The following TNPO3 variants were observed in gnomAD, a reference collection of about 807,000 sequenced individuals.
TNPO3 encodes transportin 3.
In TNPO3, 65 loss-of-function variants were observed where a neutral mutation model predicts 122.8. That is an observed-to-expected ratio of 0.53 (90% CI 0.43 to 0.65). The LOEUF (loss-of-function observed/expected upper bound fraction) is 0.65. Among genes scored for constraint, TNPO3 ranks in the 30% least tolerant of loss-of-function variants. The pLI, the probability that TNPO3 is intolerant of heterozygous loss-of-function variation, is 0.00. For synonymous variants in TNPO3, 372 were observed against 411.2 expected (o/e 0.90, Z 1.15); for missense variants, 850 against 1,136.7 (o/e 0.75, Z 3.63).
chr7:128,990,997 T>C lies in TNPO3; in HGVS notation c.1359-897A>G, dbSNP rs938206293. 4.6e-5 allele frequency among the ~76,000 whole-genome samples: 7 copies of C among 152,256 alleles called. No homozygotes were observed. In the South Asian group the frequency reaches 1.2e-3, roughly 27 times the overall value. ...ATAAACAAAAAAAATATCAAATCTC[T>C]CATTTATGACTTATGTTTCCTAGGG... On this transcript the variant is annotated intron_variant, in intron 10 of 22. Transcript: ENST00000265388.
At position 129,014,999 on chromosome 7, in the gene TNPO3, T is replaced by C; in HGVS notation, c.532A>G (p.Ser178Gly). The change falls in exon 4 of 23, where the codon AGT becomes GGT. Residue 178 changes from serine to glycine, a missense_variant. Ser to Gly is a moderately conservative substitution (Grantham distance 56, BLOSUM62 0). Coordinates refer to ENST00000265388, the MANE Select transcript of TNPO3 (RefSeq NM_012470.4). ...EIIEDLAFYS[S>G]TVVSLLMTCV... is the part of the protein sequence containing the mutation. The stretch of plus-strand genomic sequence containing the variant: ...CTCACCAATAGAGATACTACTGTAC[T>C]AGAGTAGAAGGCCAAATCTTCTATA... 1 of 1,609,884 alleles carries C rather than the reference T, an allele frequency of 6.2e-7. No homozygotes were observed. The highest frequency in any genetic ancestry group is 1.1e-5 in the South Asian group (1 of 89,874).
At chr7:129,005,877 G>A (rs538187690) in intron 4 of TNPO3, among the ~76,000 whole-genome samples, 1 of 151,144 alleles carries the variant, frequency 6.6e-6, no homozygotes, top group Non-Finnish European at 1.5e-5. Flanking sequence ...CACCTCCCTG[G>A]TTCAAGCAAT....
chr7:128,957,154 C>T (rs1585317310), intron 22 of TNPO3, 70 bp downstream of exon 22: 3 of 1,351,480 alleles, frequency 2.2e-6, no homozygotes, highest in Non-Finnish European at 3.2e-6. Flanking sequence ...GCATTAAAAC[C>T]TATCCCCATT....
chr7:129,045,513 T>C (rs1466149663), intron 1 of TNPO3, among the ~76,000 whole-genome samples: 3 of 147,136 alleles, frequency 2.0e-5, no homozygotes, highest in African/African-American at 5.0e-5. Flanking sequence ...AAAAAAACGT[T>C]AAAATGCTAA....
At position 129,000,465 on chromosome 7, in the gene TNPO3, C is replaced by G. The variant is rs1415790123; in HGVS notation, c.975G>C (p.Glu325Asp). 3 of 1,614,002 alleles carry G rather than the reference C, an allele frequency of 1.9e-6. No homozygotes were observed. Among genetic ancestry groups the G allele is most frequent in the Non-Finnish European group, 1.7e-6 (2 of 1,180,002 alleles). ...GATGGCCTGCACAGATAAGCAGCAG[C>G]TCCAGAGTTCGAAGGTCCCCAAGAC... ...GQGLGDLRTL[E>D]LLLICAGHPQ... is the part of the protein sequence containing the mutation. The change falls in exon 7 of 23, where the codon GAG (glutamate) becomes GAC (aspartate). Residue 325 changes from glutamate (E) to aspartate (D), a missense_variant. Glu to Asp is a conservative substitution (Grantham distance 45). Coordinates refer to ENST00000265388, the MANE Select transcript of TNPO3 (RefSeq NM_012470.4).
chr7:129,040,353 T>C (rs537298146), intron 1 of TNPO3, among the ~76,000 whole-genome samples: 3 of 152,206 alleles, frequency 2.0e-5, no homozygotes, highest in South Asian at 4.2e-4. Context: ...TGAAATGTAG[T>C]TGTGTGAACT....
chr7:129,053,307 AAC>A (rs1458406331), intron 1 of TNPO3, among the ~76,000 whole-genome samples: 1 of 150,836 alleles, frequency 6.6e-6, no homozygotes, highest in African/African-American at 2.4e-5. Context: ...CAGCCTGGGC[AAC>A]AGAGCCAGAC....
chr7:129,037,503 C>A (rs1293443632), intron 1 of TNPO3, among the ~76,000 whole-genome samples: 1 of 152,060 alleles, frequency 6.6e-6, no homozygotes, highest in African/African-American at 2.4e-5. Flanking sequence ...GCATATAGAA[C>A]CCCTGGGACT....
At chr7:129,034,895 A>G (rs1217589121) in intron 1 of TNPO3, among the ~76,000 whole-genome samples, 2 of 112,164 alleles carry the variant, frequency 1.8e-5, no homozygotes, top group African/African-American at 6.8e-5. Flanking sequence ...ACTCTGTCTC[A>G]AAAAAAAAAA....
chr7:129,056,075 G>T (rs1809427074), upstream of TNPO3: 2 of 1,160,338 alleles, frequency 1.7e-6, no homozygotes, highest in Non-Finnish European at 2.6e-6. Flanking sequence ...ACGGGCGGAA[G>T]AAATGTCTGG....
chr7:129,008,889 A>G (rs1221361206), intron 4 of TNPO3, among the ~76,000 whole-genome samples: 2 of 152,242 alleles, frequency 1.3e-5, no homozygotes, highest in Non-Finnish European at 2.9e-5. Flanking sequence ...TTGCTTGTAC[A>G]TTCTAACTAT....
At chr7:128,992,697 G>A (rs1800869718) in intron 9 of TNPO3, among the ~76,000 whole-genome samples, 1 of 152,108 alleles carries the variant, frequency 6.6e-6, no homozygotes, top group Non-Finnish European at 1.5e-5. Context: ...TGAAATAACA[G>A]ACACTGCTAG....
chr7:129,056,016 G>A (rs751227238), upstream of TNPO3: 3 of 1,042,510 alleles, frequency 2.9e-6, no homozygotes, highest in Non-Finnish European at 4.4e-6. Context: ...CAGCTCCAGC[G>A]CCATGGCGCC....
chr7:128,989,382 T>C (rs1176302897), intron 11 of TNPO3, among the ~76,000 whole-genome samples: 1 of 152,222 alleles, frequency 6.6e-6, no homozygotes, highest in Non-Finnish European at 1.5e-5. Context: ...ATTTCGTCTC[T>C]TTGGGCCTCA....
In TNPO3 at chr7:128,954,815, G is replaced by T. The variant is rs76327516; in HGVS notation, c.*602C>A. 2 of 153,850 alleles carry T rather than the reference G, an allele frequency of 1.3e-5. No homozygotes were observed. The highest frequency in any genetic ancestry group is 2.0e-4 in the South Asian group (1 of 4,944). The allele number at this position is 153,850 out of a possible 1,614,324, so 9.5% of individuals were successfully genotyped here. On this transcript the variant is annotated 3_prime_UTR_variant, in exon 23 of 23. Transcript: ENST00000265388. ...CATTTGCATTTAAAAGGAGGGGAGA[G>T]AGAAAGAGAAGGAAGGGTAGGAGAG...
intron 1 of TNPO3, among the ~76,000 whole-genome samples, chr7:129,026,857 A>G (rs1338765486): frequency 6.6e-6 from 1 of 152,222 alleles, no homozygotes; most frequent in Non-Finnish European, 1.5e-5. Flanking sequence ...CAGTGGGACC[A>G]TCACAGCTCA....
rs760085266 is a variant in TNPO3, at chr7:128,980,051, C to G, written c.1860-20G>C. On this transcript the variant is annotated intron_variant, in intron 14 of 22. Coordinates refer to ENST00000265388, the MANE Select transcript of TNPO3 (RefSeq NM_012470.4). ...GTATGCCTGGGAAAAGACAACAGCCCAAAATAGTGAACAAAGACCAATTTC... is the reference window on the plus strand; with the variant it reads ...GTATGCCTGGGAAAAGACAACAGCCGAAAATAGTGAACAAAGACCAATTTC... The G allele has an allele frequency of 6.2e-7, 1 of 1,613,024 alleles. No homozygotes were observed. The highest frequency in any genetic ancestry group is 2.2e-5 in the East Asian group (1 of 44,876).
intron 1 of TNPO3, among the ~76,000 whole-genome samples, chr7:129,036,143 G>A (rs1008043422): frequency 2.6e-5 from 4 of 151,836 alleles, no homozygotes; most frequent in South Asian, 4.2e-4. Flanking sequence ...TAATAGAGAC[G>A]GGGGTTTCAC....
chr7:129,050,718 C>A (rs1808658354), intron 1 of TNPO3, among the ~76,000 whole-genome samples: 1 of 152,214 alleles, frequency 6.6e-6, no homozygotes, highest in African/African-American at 2.4e-5. Flanking sequence ...ATTCCCTGAA[C>A]TGGCTTTAGA....
Sources: gnomAD v4.1 joint callset for allele counts (sites outside exome capture counted in the v4.1 genomes callset) on GRCh38, gnomAD v4.1.1 for gene constraint, MANE v1.5 for transcripts, NCBI Gene and HGNC (gene_info 2026-07-23, HGNC 2026-07-21) for gene names.